Variants in NALF1 observed in about 807,000 individuals in gnomAD.
The protein encoded by NALF1 is family with sequence similarity 155 member A.
NALF1 carries 3 observed loss-of-function variants against 48.4 expected under a neutral mutation model. That is an observed-to-expected ratio of 0.06 (90% CI 0.03 to 0.16). The LOEUF (loss-of-function observed/expected upper bound fraction) is 0.16, where lower values mean the gene tolerates loss of function less well. NALF1 is among the 10% of genes least tolerant of loss of function. The pLI, the probability that NALF1 is intolerant of heterozygous loss-of-function variation, is 1.00. For synonymous variants in NALF1, 262 were observed against 245.7 expected (o/e 1.07, Z -0.62); for missense variants, 526 against 571.5 (o/e 0.92, Z 0.81).
chr13:107,615,856 T>A (rs1879364896), intron 1 of NALF1, among the ~76,000 whole-genome samples: 2 of 152,210 alleles, frequency 1.3e-5, no homozygotes. Context: ...GAAATGTGTT[T>A]CTTAAAGCAA....
At chr13:107,322,964 C>A (rs1882285573) in intron 1 of NALF1, among the ~76,000 whole-genome samples, 1 of 152,062 alleles carries the variant, frequency 6.6e-6, no homozygotes, top group Non-Finnish European at 1.5e-5. Flanking sequence ...TGGATATACC[C>A]AGAGCTTTTA....
At chr13:107,483,177 A>C (rs1189041963) in intron 1 of NALF1, among the ~76,000 whole-genome samples, 2 of 152,184 alleles carry the variant, frequency 1.3e-5, no homozygotes, top group African/African-American at 4.8e-5. Flanking sequence ...ACTATCCATA[A>C]GCTAAATGAA....
chr13:107,645,794 C>G (rs9587415), intron 1 of NALF1, among the ~76,000 whole-genome samples: 7 of 151,866 alleles, frequency 4.6e-5, no homozygotes, highest in Non-Finnish European at 1.0e-4. Flanking sequence ...AAGGCAAAAC[C>G]GGCACCATGT....
chr13:107,709,877 A>G (rs1227457467), intron 1 of NALF1, among the ~76,000 whole-genome samples: 1 of 152,236 alleles, frequency 6.6e-6, no homozygotes, highest in Non-Finnish European at 1.5e-5. Flanking sequence ...GGTCTATTCC[A>G]TAGCTCTCGG....
chr13:107,380,754 G>A (rs1313854322), intron 1 of NALF1, among the ~76,000 whole-genome samples: 2 of 152,030 alleles, frequency 1.3e-5, no homozygotes, highest in Non-Finnish European at 2.9e-5. Flanking sequence ...TGAGGCGGGC[G>A]GATCACGAGG....
intron 1 of NALF1, among the ~76,000 whole-genome samples, chr13:107,586,503 A>G (rs192843564): frequency 1.3e-5 from 2 of 149,860 alleles, no homozygotes; most frequent in African/African-American, 4.8e-5. Flanking sequence ...AATTTTTTAA[A>G]GGCTATTTAA....
rs116444210 is a variant in NALF1 at position 107,561,660 on chromosome 13, T to C, written c.915+304022A>G. ...ATTGCCTATTCCCTGCCAATCTTTT[T>C]AGTTTGCAAATTCCTACCTATTAAT... is the stretch of plus-strand genomic sequence containing the variant. On this transcript the variant is annotated intron_variant, in intron 1 of 2. Transcript: ENST00000375915. 4.1e-3 allele frequency among the ~76,000 whole-genome samples: 622 copies of C among 152,316 alleles called. 5 individuals carry two copies. The highest frequency in any genetic ancestry group is 0.014 in the African/African-American group (595 of 41,562).
At chr13:107,377,680 G>A (rs564535510) in intron 1 of NALF1, among the ~76,000 whole-genome samples, 7 of 152,274 alleles carry the variant, frequency 4.6e-5, no homozygotes, top group African/African-American at 1.4e-4. Flanking sequence ...AAGAAAGGAA[G>A]AGGTCAAAGG....
intron 1 of NALF1, among the ~76,000 whole-genome samples, chr13:107,864,096 A>G (rs1880647821): frequency 6.6e-6 from 1 of 152,232 alleles, no homozygotes; most frequent in Non-Finnish European, 1.5e-5. Flanking sequence ...TCTTGTCAAA[A>G]TAAATAACTG....
Position 107,725,855 on chromosome 13 carries a change from C to T in NALF1, c.915+139827G>A, listed in dbSNP as rs1467640592. 2.0e-5 allele frequency among the ~76,000 whole-genome samples: 3 copies of T among 152,114 alleles called. 1 individual carries two copies. The highest frequency in any genetic ancestry group is 7.2e-5 in the African/African-American group (3 of 41,432). ...GTTCCAGATTACAAGGAAATTCAACCGTTTTGGTTTTGTAATTTTTTTTCA... is the reference window on the plus strand; with the variant it reads ...GTTCCAGATTACAAGGAAATTCAACTGTTTTGGTTTTGTAATTTTTTTTCA... On this transcript the variant is annotated intron_variant, in intron 1 of 2. Transcript: ENST00000375915.
At chr13:107,274,106 A>T (rs1368746840) in intron 1 of NALF1, among the ~76,000 whole-genome samples, 1 of 152,124 alleles carries the variant, frequency 6.6e-6, no homozygotes, top group Non-Finnish European at 1.5e-5. Flanking sequence ...ATGAAACTAC[A>T]TCCTGGTGAA....
At chr13:107,823,711 G>A (rs956069712) in intron 1 of NALF1, among the ~76,000 whole-genome samples, 1 of 152,100 alleles carries the variant, frequency 6.6e-6, no homozygotes, top group Non-Finnish European at 1.5e-5. Context: ...CTCCTCTCTT[G>A]ACACAATTTT....
chr13:107,836,277 CA>C (rs1248734835), intron 1 of NALF1, among the ~76,000 whole-genome samples: 1 of 152,132 alleles, frequency 6.6e-6, no homozygotes, highest in Non-Finnish European at 1.5e-5. Flanking sequence ...AGGTATGAGC[CA>C]CCATGCCTGG....
chr13:107,351,179 G>A (rs1170906044), intron 1 of NALF1, among the ~76,000 whole-genome samples: 2 of 152,124 alleles, frequency 1.3e-5, no homozygotes, highest in South Asian at 2.1e-4. Context: ...TGCAATACGC[G>A]TCTCTGATTA....
intron 1 of NALF1, among the ~76,000 whole-genome samples, chr13:107,441,492 A>T (rs957333444): frequency 2.0e-5 from 3 of 152,232 alleles, no homozygotes; most frequent in African/African-American, 7.2e-5. Flanking sequence ...GGACTTAGTC[A>T]TGAAAGGAAA....
At chr13:107,690,094 T>C (rs191773852) in intron 1 of NALF1, among the ~76,000 whole-genome samples, 23 of 152,356 alleles carry the variant, frequency 1.5e-4, no homozygotes, top group African/African-American at 5.1e-4. Context: ...GTAAGTCTTA[T>C]TGTTCCTATA....
chr13:107,372,612 A>G (rs1883266945), intron 1 of NALF1, among the ~76,000 whole-genome samples: 1 of 152,234 alleles, frequency 6.6e-6, no homozygotes, highest in African/African-American at 2.4e-5. Context: ...TAGTCATACA[A>G]ACTTGATTTC....
At chr13:107,583,267 TTGCAAGAA>T in intron 1 of NALF1, among the ~76,000 whole-genome samples, 1 of 152,230 alleles carries the variant, frequency 6.6e-6, no homozygotes, top group Non-Finnish European at 1.5e-5. Flanking sequence ...ATATGTATTT[TTGCAAGAA>T]TGAGTTTAAT....
At chr13:107,318,890 C>T (rs1175782700) in intron 1 of NALF1, among the ~76,000 whole-genome samples, 1 of 152,064 alleles carries the variant, frequency 6.6e-6, no homozygotes, top group Admixed American at 6.6e-5. Context: ...ATAAAGCAAG[C>T]ACAATGCATA....
Sources: gnomAD v4.1 joint callset for allele counts (sites outside exome capture counted in the v4.1 genomes callset) on GRCh38, gnomAD v4.1.1 for gene constraint, MANE v1.5 for transcripts, NCBI Gene and HGNC (gene_info 2026-07-23, HGNC 2026-07-21) for gene names.